STPG2: variants seen among roughly 807,000 people sequenced by gnomAD.
STPG2 encodes the protein sperm tail PG-rich repeat containing 2.
A neutral mutation model predicts 54.2 loss-of-function variants in STPG2; 56 were observed. The observed-to-expected ratio is 1.03, with a 90% CI of 0.83 to 1.29. The LOEUF is 1.29. STPG2 is among the 50% of genes most tolerant of loss of function. The pLI, the probability that STPG2 is intolerant of heterozygous loss-of-function variation, is 0.00. For synonymous variants in STPG2, 200 were observed against 181.8 expected, an observed-to-expected ratio of 1.10 and a Z score of -0.81; for missense variants, 596 against 544.9, an observed-to-expected ratio of 1.09 and a Z score of -0.93.
chr4:98,044,330 T>A (rs952362556), intron 5 of STPG2, among the ~76,000 whole-genome samples: 1 of 152,168 alleles, frequency 6.6e-6, no homozygotes, highest in African/African-American at 2.4e-5. Context: ...TCATCTCAAC[T>A]TTAAAAATTC....
intron 7 of STPG2, among the ~76,000 whole-genome samples, chr4:97,967,823 C>A (rs1036427001): frequency 3.3e-5 from 5 of 152,132 alleles, no homozygotes; most frequent in Non-Finnish European, 7.3e-5. Context: ...ATAACAAAGA[C>A]ACAACATACC....
intron 9 of STPG2, among the ~76,000 whole-genome samples, chr4:97,828,372 T>G (rs1036254222): frequency 2.0e-5 from 3 of 152,186 alleles, no homozygotes; most frequent in African/African-American, 7.2e-5. Context: ...ACTGCACTTT[T>G]TCTAAGACCT....
At chr4:97,780,999 C>T (rs1232431562) in intron 9 of STPG2, among the ~76,000 whole-genome samples, 2 of 152,002 alleles carry the variant, frequency 1.3e-5, no homozygotes, top group Non-Finnish European at 2.9e-5. Context: ...AAAATTGACA[C>T]CCTAACATCA....
intron 8 of STPG2, among the ~76,000 whole-genome samples, chr4:97,921,703 A>G (rs1162519167): frequency 1.3e-5 from 2 of 152,214 alleles, no homozygotes; most frequent in African/African-American, 4.8e-5. Context: ...GAAAAAAAGG[A>G]TAGAAAAGTT....
rs145276226 is a variant in STPG2, at chr4:97,567,283, C to T, written c.1321-8166G>A. Among the ~76,000 whole-genome samples, 1,360 of 151,204 alleles carry T rather than the reference C, an allele frequency of 9.0e-3. 15 individuals carry two copies. Among genetic ancestry groups the T allele is most frequent in the South Asian group, 0.029 (140 of 4,784 alleles). On this transcript the variant is annotated intron_variant, in intron 10 of 10. Coordinates refer to ENST00000295268, the MANE Select transcript of STPG2 (RefSeq NM_174952.3). Reference sequence around the variant, plus strand: ...GTACTGAGAAACTATTTCTCAACTACCAGACTGGGAAATTTTAAAACCTGA... The same window carrying T: ...GTACTGAGAAACTATTTCTCAACTATCAGACTGGGAAATTTTAAAACCTGA...
At chr4:97,885,660 A>T (rs2149169353) in intron 8 of STPG2, among the ~76,000 whole-genome samples, 1 of 152,330 alleles carries the variant, frequency 6.6e-6, no homozygotes, top group African/African-American at 2.4e-5. Flanking sequence ...ACCAAACACA[A>T]ATTGAAAATA....
chr4:97,604,410 C>A (rs911521797), intron 10 of STPG2, among the ~76,000 whole-genome samples: 2 of 151,850 alleles, frequency 1.3e-5, no homozygotes, highest in South Asian at 2.1e-4. Flanking sequence ...GTGGCACCAA[C>A]AATTTAGGTT....
chr4:97,865,817 T>G (rs1729749787), intron 8 of STPG2, among the ~76,000 whole-genome samples: 1 of 151,868 alleles, frequency 6.6e-6, no homozygotes. Flanking sequence ...ACCTGCACAT[T>G]GTGCACATGT....
chr4:97,916,859 C>T (rs1229129702), intron 8 of STPG2: 1 of 152,826 alleles, frequency 6.5e-6, no homozygotes, highest in African/African-American at 2.4e-5. Context: ...GTTGCCACAT[C>T]TATCACTACA....
chr4:97,616,059 T>TATATATATATATATATATATATATAA (rs1733860062), intron 10 of STPG2, among the ~76,000 whole-genome samples: 1 of 31,318 alleles, frequency 3.2e-5, no homozygotes, highest in Non-Finnish European at 6.4e-5. Context: ...TACATATAAA[T>TATATATATATATATATATATATATAA]ATATATATAT....
chr4:97,519,818 C>A (rs563253900), intron 4 of STPG2, among the ~76,000 whole-genome samples: 2 of 151,796 alleles, frequency 1.3e-5, no homozygotes, highest in African/African-American at 4.8e-5. Flanking sequence ...GAAGAGGGAA[C>A]AAGAGGTGGA....
intron 10 of STPG2, among the ~76,000 whole-genome samples, chr4:97,644,713 T>C (rs973872417): frequency 2.0e-5 from 3 of 152,032 alleles, no homozygotes; most frequent in African/African-American, 7.2e-5. Context: ...GGTGCAATGA[T>C]GTTCAATATC....
At chr4:98,023,196 G>A (rs1040815720) in intron 5 of STPG2, among the ~76,000 whole-genome samples, 3 of 152,096 alleles carry the variant, frequency 2.0e-5, no homozygotes, top group African/African-American at 4.8e-5. Context: ...TGTGTTTTTG[G>A]GGTGGATGTC....
At position 97,638,522 on chromosome 4, in the gene STPG2, C is replaced by T. The variant is rs947263609; in HGVS notation, c.1320+74177G>A. 3.0e-3 allele frequency among the ~76,000 whole-genome samples: 462 copies of T among 151,992 alleles called. 1 individual carries two copies. The highest frequency in any genetic ancestry group is 5.7e-3 in the Non-Finnish European group (390 of 68,016). ...ATCTCATTAAACTAAAGAGCTTCTG[C>T]GCAGCAAAAGAAACTACCATCAGAG... On this transcript the variant is annotated intron_variant, in intron 10 of 10. Transcript: ENST00000295268.
intron 3 of STPG2, among the ~76,000 whole-genome samples, chr4:98,121,111 T>C (rs1017161033): frequency 2.0e-5 from 3 of 152,262 alleles, no homozygotes; most frequent in Non-Finnish European, 2.9e-5. Flanking sequence ...TTCAGTTCTC[T>C]GCATATAGCT....
intron 8 of STPG2, among the ~76,000 whole-genome samples, chr4:97,904,297 C>A (rs1246247550): frequency 3.3e-5 from 5 of 152,290 alleles, no homozygotes; most frequent in African/African-American, 7.2e-5. Context: ...TGACCCCTGA[C>A]CCCCGAGCAG....
intron 8 of STPG2, among the ~76,000 whole-genome samples, chr4:97,881,028 A>G (rs943625337): frequency 7.3e-4 from 111 of 152,090 alleles, no homozygotes; most frequent in Non-Finnish European, 4.6e-4. Context: ...AACTGAGAAG[A>G]TAACAGGTGA....
chr4:97,484,910 CA>C (rs1206378763), intron 4 of STPG2, among the ~76,000 whole-genome samples: 1 of 151,862 alleles, frequency 6.6e-6, no homozygotes, highest in East Asian at 1.9e-4. Flanking sequence ...TTGATATACA[CA>C]AGTCAATAAA....
chr4:98,106,682 A>G (rs900860249), intron 4 of STPG2, among the ~76,000 whole-genome samples: 1 of 152,254 alleles, frequency 6.6e-6, no homozygotes, highest in Admixed American at 6.5e-5. Flanking sequence ...TCATCACCCA[A>G]TGAATCTGGT....
Sources: gnomAD v4.1 joint callset for allele counts (sites outside exome capture counted in the v4.1 genomes callset) on GRCh38, gnomAD v4.1.1 for gene constraint, MANE v1.5 for transcripts, NCBI Gene and HGNC (gene_info 2026-07-23, HGNC 2026-07-21) for gene names.